Variants in REV3L observed in about 807,000 individuals in gnomAD.
The protein encoded by REV3L is DNA polymerase zeta catalytic subunit.
In REV3L, 69 loss-of-function variants were observed where a neutral mutation model predicts 299.4. The ratio of observed to expected loss-of-function variants is 0.23; its 90% CI spans 0.19 to 0.28. The LOEUF (loss-of-function observed/expected upper bound fraction) is 0.28, where lower values mean the gene tolerates loss of function less well. Ranked by LOEUF, REV3L falls within the 10% of genes least tolerant of loss-of-function variation. REV3L has a pLI of 1.00. For synonymous variants in REV3L, 1,238 were observed against 1,271.4 expected, an observed-to-expected ratio of 0.97 and a Z score of 0.56; for missense variants, 3,128 against 3,693.8, an observed-to-expected ratio of 0.85 and a Z score of 3.97.
chr6:111,380,960 G>A (rs1240620594), intron 10 of REV3L, among the ~76,000 whole-genome samples: 1 of 152,208 alleles, frequency 6.6e-6, no homozygotes, highest in Non-Finnish European at 1.5e-5. Flanking sequence ...CTAGCCACCC[G>A]TGTTTCCTCC....
rs930325590 is a variant in REV3L at position 111,447,274 on chromosome 6, G to A, written c.140-30802C>T. Among the ~76,000 whole-genome samples the A allele has an allele frequency of 3.3e-5, 5 of 152,236 alleles. No homozygotes were observed. In the East Asian group the frequency reaches 5.8e-4, roughly 18 times the overall value. On this transcript the variant is annotated intron_variant, in intron 1 of 31. Transcript: ENST00000368802. ...ATGTGTTCTGAATCACCAGTAAACC[G>A]GGATGCCCTCGTGTGAGATTATTTC...
chr6:111,375,686 G>C lies in REV3L; in HGVS notation c.2669C>G (p.Pro890Arg). 2 of 1,613,816 alleles carry C rather than the reference G, an allele frequency of 1.2e-6. No homozygotes were observed. Among genetic ancestry groups the C allele is most frequent in the Non-Finnish European group, 8.5e-7 (1 of 1,179,890 alleles). The change falls in exon 13 of 32, where the codon CCC becomes CGC. Residue 890 changes from proline to arginine, a missense_variant. Transcript: ENST00000368802. ...TTRGAFENKTPTDGFIDCHFG... is the reference protein window; with the variant it reads ...TTRGAFENKTRTDGFIDCHFG... ...GTGACAGTCTATAAAACCATCTGTG[G>C]GTGTTTTATTTTCAAAAGCTCCACG...
At chr6:111,303,091 C>T (rs1048733062) in intron 31 of REV3L, among the ~76,000 whole-genome samples, 4 of 150,472 alleles carry the variant, frequency 2.7e-5, no homozygotes, top group African/African-American at 7.3e-5. Flanking sequence ...AATTAATTAC[C>T]ATTTTATAGC....
At chr6:111,459,733 G>T (rs1401530445) in intron 1 of REV3L, among the ~76,000 whole-genome samples, 3 of 151,960 alleles carry the variant, frequency 2.0e-5, no homozygotes, top group Admixed American at 1.3e-4. Flanking sequence ...TCTCATACCA[G>T]TCAGAATAGC....
At chr6:111,476,783 G>T (rs1186497959) in intron 1 of REV3L, among the ~76,000 whole-genome samples, 2 of 152,098 alleles carry the variant, frequency 1.3e-5, no homozygotes, top group Admixed American at 1.3e-4. Context: ...TTTCTAAATG[G>T]AATTTATATA....
chr6:111,429,518 T>C (rs1786604605), intron 1 of REV3L, among the ~76,000 whole-genome samples: 2 of 133,892 alleles, frequency 1.5e-5, no homozygotes, highest in African/African-American at 4.9e-5. Flanking sequence ...CAATTTGTAG[T>C]GTACAATCCA....
At chr6:111,306,318 G>A (rs1469898667) in intron 31 of REV3L, among the ~76,000 whole-genome samples, 6 of 152,172 alleles carry the variant, frequency 3.9e-5, no homozygotes, top group Admixed American at 6.5e-5. Flanking sequence ...AGGAGGCGGC[G>A]AGGGGCATTC....
intron 1 of REV3L, among the ~76,000 whole-genome samples, chr6:111,462,743 C>A (rs904628711): frequency 3.3e-5 from 5 of 152,114 alleles, no homozygotes; most frequent in African/African-American, 1.2e-4. Context: ...AACAATTTGG[C>A]ATTACTTAGT....
chr6:111,301,792 C>T (rs1238793733), intron 31 of REV3L, among the ~76,000 whole-genome samples: 1 of 151,854 alleles, frequency 6.6e-6, no homozygotes, highest in Non-Finnish European at 1.5e-5. Context: ...TTTAAAAATA[C>T]TTTAAAGTCT....
At chr6:111,342,150 G>A (rs1369450683) in intron 21 of REV3L, among the ~76,000 whole-genome samples, 1 of 152,138 alleles carries the variant, frequency 6.6e-6, no homozygotes, top group Non-Finnish European at 1.5e-5. Context: ...TCCAACCATA[G>A]GCTTTGAACT....
At chr6:111,389,842 T>C (rs1398629952) in intron 6 of REV3L, among the ~76,000 whole-genome samples, 1 of 150,150 alleles carries the variant, frequency 6.7e-6, no homozygotes, top group African/African-American at 2.5e-5. Flanking sequence ...GCTCAAGTGA[T>C]TCCCCTGCCT....
rs192841050 is a variant in REV3L, at chr6:111,481,694, C to G, written c.139+1056G>C. The stretch of plus-strand genomic sequence containing the variant: ...GGCAATTCATAGCTAGAGGGAAGAA[C>G]AACCTTTCCTAAGATGCATTATTTC... On this transcript the variant is annotated intron_variant, in intron 1 of 31. Transcript: ENST00000368802. Among the ~76,000 whole-genome samples the G allele has an allele frequency of 1.6e-4, 25 of 152,252 alleles. No homozygotes were observed. The East Asian group carries it at 4.8e-3, about 29-fold the overall frequency.
At chr6:111,393,096 G>A in intron 4 of REV3L, 124 bp from the exon 5 acceptor site, 1 of 588,922 alleles carries the variant, frequency 1.7e-6, no homozygotes, top group Non-Finnish European at 3.0e-6. Flanking sequence ...GGAGTACAGT[G>A]GCGCAATCTC....
rs780922073 is a variant in REV3L at position 111,375,424 on chromosome 6, C to T, written c.2931G>A (p.Lys977=). 3 of 1,599,438 alleles carry T rather than the reference C, an allele frequency of 1.9e-6. No homozygotes were observed. Among genetic ancestry groups the T allele is most frequent in the Admixed American group, 1.8e-5 (1 of 57,048 alleles). Residue 977 remains lysine, a synonymous_variant, in exon 13 of 32, where the codon AAG becomes AAA. Coordinates refer to ENST00000368802, the MANE Select transcript of REV3L (RefSeq NM_001372078.1). ...MSKKLPPVII[K]YIIINRFRGR... is the part of the protein sequence containing the mutation. ...CTCTAAATCTATTAATAATAATATA[C>T]TTTATGATGACAGGGGGCAGCTTTT...
chr6:111,454,808 A>T (rs1396530174), intron 1 of REV3L, among the ~76,000 whole-genome samples: 1 of 152,088 alleles, frequency 6.6e-6, no homozygotes, highest in Non-Finnish European at 1.5e-5. Context: ...CTGGGATTAC[A>T]GGCATGTACC....
At position 111,370,797 on chromosome 6, in the gene REV3L, G is replaced by A. The variant is rs146556976; in HGVS notation, c.5759+1799C>T. Among the ~76,000 whole-genome samples, 40 of 152,070 alleles carry A rather than the reference G, an allele frequency of 2.6e-4. No homozygotes were observed. In the East Asian group the frequency reaches 7.4e-3, roughly 28 times the overall value. On this transcript the variant is annotated intron_variant, in intron 13 of 31. Coordinates refer to ENST00000368802, the MANE Select transcript of REV3L (RefSeq NM_001372078.1). The stretch of plus-strand genomic sequence containing the variant: ...ATCCCTTGTGCCCCCACACATACAT[G>A]GCCTCCCTCATTATCACCATCCCCT...
At chr6:111,392,392 T>C (rs1015667466) in intron 5 of REV3L, among the ~76,000 whole-genome samples, 2 of 152,180 alleles carry the variant, frequency 1.3e-5, no homozygotes, top group Non-Finnish European at 2.9e-5. Context: ...ATTTGGAATA[T>C]ACTGCCTCCA....
intron 4 of REV3L, among the ~76,000 whole-genome samples, chr6:111,394,952 A>G (rs1253571594): frequency 1.3e-5 from 2 of 152,096 alleles, no homozygotes; most frequent in Non-Finnish European, 2.9e-5. Flanking sequence ...TCAGCCTCCC[A>G]AACTGTTGAG....
At chr6:111,318,706 G>C (rs1283751103) in intron 26 of REV3L, among the ~76,000 whole-genome samples, 1 of 151,920 alleles carries the variant, frequency 6.6e-6, no homozygotes, top group Non-Finnish European at 1.5e-5. Flanking sequence ...GAGTAGCTGG[G>C]ATTACAGGCA....
Sources: allele counts gnomAD v4.1 joint callset (sites outside exome capture counted in the v4.1 genomes callset), GRCh38; gene constraint gnomAD v4.1.1; transcripts MANE v1.5; gene names NCBI Gene and HGNC (gene_info 2026-07-23, HGNC 2026-07-21).